SPAG17: variants seen among roughly 807,000 people sequenced by gnomAD.
SPAG17 encodes the protein sperm associated antigen 17.
SPAG17 carries 169 observed loss-of-function variants against 273.6 expected under a neutral mutation model. The ratio of observed to expected loss-of-function variants is 0.62; its 90% CI spans 0.55 to 0.70. SPAG17 has a LOEUF of 0.70. SPAG17 is among the 30% of genes least tolerant of loss of function. The probability of loss-of-function intolerance (pLI) is 0.00; values close to 1 mark genes in which losing one functional copy is unlikely to be tolerated. For synonymous variants in SPAG17, 825 were observed against 873.2 expected (o/e 0.94, Z 0.97); for missense variants, 2,557 against 2,627.8 (o/e 0.97, Z 0.59).
chr1:117,999,406 C>A (rs1321376324), intron 32 of SPAG17, among the ~76,000 whole-genome samples: 3 of 152,200 alleles, frequency 2.0e-5, no homozygotes, highest in South Asian at 4.1e-4. Context: ...AATCACCATA[C>A]CATCTTCCAC....
chr1:117,982,241 A>AT (rs763137879), intron 42 of SPAG17, among the ~76,000 whole-genome samples: 40,954 of 132,730 alleles, frequency 0.31, 7,668 homozygotes, highest in Middle Eastern at 0.43. Context: ...CTATCTGCTT[A>AT]TTTTTTTTTT....
chr1:118,038,012 A>G (rs2802659), intron 23 of SPAG17, among the ~76,000 whole-genome samples: 150,920 of 152,306 alleles, frequency 0.99, 74,791 homozygotes, highest in East Asian at 1. Context: ...CACAGAGTTG[A>G]AGAAAATATC....
At chr1:118,116,882 C>T (rs143924117) in intron 3 of SPAG17, among the ~76,000 whole-genome samples, 1 of 152,284 alleles carries the variant, frequency 6.6e-6, no homozygotes, top group Non-Finnish European at 1.5e-5. Context: ...CTCCTGCTAA[C>T]ACAATTTAGG....
At chr1:118,159,819 T>C (rs1659822543) in intron 1 of SPAG17, among the ~76,000 whole-genome samples, 2 of 152,104 alleles carry the variant, frequency 1.3e-5, no homozygotes, top group Non-Finnish European at 2.9e-5. Flanking sequence ...TGGAAAAGCT[T>C]TGCAGGGAAT....
intron 7 of SPAG17, among the ~76,000 whole-genome samples, chr1:118,095,259 T>G (rs1251525340): frequency 6.6e-6 from 1 of 152,222 alleles, no homozygotes; most frequent in African/African-American, 2.4e-5. Flanking sequence ...TGCCATTGTA[T>G]ACCACAGTGT....
chr1:117,987,116 C>T (rs1557869949), intron 40 of SPAG17, among the ~76,000 whole-genome samples: 3 of 152,176 alleles, frequency 2.0e-5, no homozygotes. Context: ...TAAAGACACT[C>T]AGGTTTAGCC....
chr1:118,043,067 T>G (rs1043461070), intron 20 of SPAG17, among the ~76,000 whole-genome samples: 1 of 152,300 alleles, frequency 6.6e-6, no homozygotes, highest in African/African-American at 2.4e-5. Flanking sequence ...ACTACAGATA[T>G]TGTAATTGCC....
At chr1:118,066,205 G>C (rs1445526069) in intron 18 of SPAG17, among the ~76,000 whole-genome samples, 2 of 150,796 alleles carry the variant, frequency 1.3e-5, no homozygotes, top group African/African-American at 4.8e-5. Flanking sequence ...TGAAATAACA[G>C]TGAAATATCA....
intron 13 of SPAG17, among the ~76,000 whole-genome samples, chr1:118,082,356 C>G (rs1654651206): frequency 6.6e-6 from 1 of 152,016 alleles, no homozygotes; most frequent in Non-Finnish European, 1.5e-5. Context: ...ACATGGAATT[C>G]AATCAGAAAA....
intron 40 of SPAG17, among the ~76,000 whole-genome samples, chr1:117,986,788 A>G (rs1656462899): frequency 1.3e-5 from 2 of 152,202 alleles, no homozygotes; most frequent in Non-Finnish European, 2.9e-5. Context: ...GAATATTTTC[A>G]GCTGAAGGAA....
In SPAG17 at chr1:117,992,656, CA is replaced by C; in HGVS notation, c.5179-9del. ...AGGTCCTGGAGTTTTTTTCTGTTAA[CA>C]AAACAAAGCAATAACACCACCAAAG... On this transcript the variant is annotated splice_polypyrimidine_tract_variant and intron_variant, in intron 35 of 48. Transcript: ENST00000336338. The C allele has an allele frequency of 6.4e-7, 1 of 1,563,768 alleles. No homozygotes were observed. The highest frequency in any genetic ancestry group is 8.6e-7 in the Non-Finnish European group (1 of 1,159,872).
At chr1:118,059,459 G>A (rs1001793886) in intron 18 of SPAG17, among the ~76,000 whole-genome samples, 2 of 151,916 alleles carry the variant, frequency 1.3e-5, no homozygotes, top group African/African-American at 2.4e-5. Context: ...AAATTGAATT[G>A]ATTAACATAC....
intron 30 of SPAG17, 140 bp downstream of exon 30, chr1:118,012,088 G>T (rs6428725): frequency 0.53 from 326,218 of 613,860 alleles, 88,684 homozygotes; most frequent in African/African-American, 0.7. Context: ...TGCTTTGGAT[G>T]GCATGGGTTT....
intron 25 of SPAG17, among the ~76,000 whole-genome samples, chr1:118,028,775 A>G (rs1281684807): frequency 6.6e-6 from 1 of 152,110 alleles, no homozygotes; most frequent in African/African-American, 2.4e-5. Context: ...CCCCATCCAA[A>G]CTCGTATGTT....
At chr1:118,119,696 G>T (rs1035020454) in intron 3 of SPAG17, among the ~76,000 whole-genome samples, 1 of 152,162 alleles carries the variant, frequency 6.6e-6, no homozygotes, top group Non-Finnish European at 1.5e-5. Flanking sequence ...CTAGCACAAG[G>T]CTGGGCAAAC....
intron 1 of SPAG17, among the ~76,000 whole-genome samples, chr1:118,152,561 T>C (rs1659446369): frequency 6.6e-6 from 1 of 152,134 alleles, no homozygotes. Flanking sequence ...ACTAACTACC[T>C]AACAAGACTC....
At chr1:118,147,774 G>A (rs1452613098) in intron 3 of SPAG17, among the ~76,000 whole-genome samples, 1 of 152,130 alleles carries the variant, frequency 6.6e-6, no homozygotes, top group Non-Finnish European at 1.5e-5. Context: ...AAATCACTTA[G>A]GAATGTGGTC....
intron 1 of SPAG17, among the ~76,000 whole-genome samples, chr1:118,152,890 GGGGAAAAATCT>G (rs1659466990): frequency 2.6e-5 from 4 of 152,118 alleles, no homozygotes; most frequent in African/African-American, 9.7e-5. Flanking sequence ...CATCATTAAA[GGGGAAAAATCT>G]CTTTCATTTC....
At position 117,959,523 on chromosome 1, in the gene SPAG17, C is replaced by T. The variant is rs566692535; in HGVS notation, c.*4276G>A. ...CCTAAACTAAGCACAGAAGAGTTGG[C>T]GTCATCTTAAAAATACCAAATAACA... On this transcript the variant is annotated intron_variant, in intron 48 of 48. Transcript: ENST00000336338. 100 of 1,387,658 alleles carry T rather than the reference C, an allele frequency of 7.2e-5. No individual in the cohort carries two copies. In the African/African-American group the frequency reaches 9.3e-4, roughly 13 times the overall value. 86.0% of individuals were successfully genotyped at this position (1,387,658 alleles called of 1,614,324 possible). A position where few individuals can be genotyped will look rare whatever the true frequency, so the allele number is the denominator to read the frequency against.
Sources: gnomAD v4.1 joint callset for allele counts (sites outside exome capture counted in the v4.1 genomes callset) on GRCh38, gnomAD v4.1.1 for gene constraint, MANE v1.5 for transcripts, NCBI Gene and HGNC (gene_info 2026-07-23, HGNC 2026-07-21) for gene names.